The following MRPL10 variants were observed in gnomAD, a reference collection of about 807,000 sequenced individuals.
MRPL10 encodes the protein large ribosomal subunit protein uL10m.
MRPL10 carries 14 observed loss-of-function variants against 19.8 expected under a neutral mutation model. The observed-to-expected ratio is 0.71, with a 90% CI of 0.47 to 1.11. MRPL10 has a LOEUF of 1.11. Ranked by LOEUF, MRPL10 falls within the 50% of genes least tolerant of loss-of-function variation. MRPL10 has a pLI of 0.00. For synonymous variants in MRPL10, 129 were observed against 139.2 expected, an observed-to-expected ratio of 0.93 and a Z score of 0.52; for missense variants, 318 against 339.6, an observed-to-expected ratio of 0.94 and a Z score of 0.50.
In MRPL10 at chr17:47,826,735, G is replaced by C; in HGVS notation, c.434C>G (p.Pro145Arg). 6.2e-7 allele frequency: 1 copy of C among 1,614,218 alleles called. No homozygotes were observed. Among genetic ancestry groups the C allele is most frequent in the Non-Finnish European group, 8.5e-7 (1 of 1,180,048 alleles). ...LEDSKYQNLL[P>R]LFVGHNMLLV... ...CAGCATGTTGTGCCCCACAAAAAGG[G>C]GCAGCAGATTTTGGTACTTGGAATC... Residue 145 changes from proline (P) to arginine (R), a missense_variant, in exon 4 of 5, where the codon CCC becomes CGC. Physicochemically the swap from Pro to Arg is moderately radical, Grantham distance 103. Transcript: ENST00000351111.
intron 4 of MRPL10, 88 bp from the exon 5 acceptor site, chr17:47,824,546 T>C: frequency 2.1e-6 from 3 of 1,455,826 alleles, no homozygotes; most frequent in Non-Finnish European, 9.1e-7. Flanking sequence ...TTGCTCTCCA[T>C]TGCCCTTCTC....
intron 2 of MRPL10, among the ~76,000 whole-genome samples, chr17:47,827,549 T>C (rs2033553538): frequency 1.3e-5 from 2 of 152,186 alleles, no homozygotes; most frequent in South Asian, 2.1e-4. Context: ...ACTGTACTCA[T>C]GTTGAATTAT....
intron 4 of MRPL10, among the ~76,000 whole-genome samples, chr17:47,825,562 C>T (rs2033518950): frequency 6.6e-6 from 1 of 150,992 alleles, no homozygotes; most frequent in Non-Finnish European, 1.5e-5. Context: ...GAGGTCCAGG[C>T]TGCTGTGAGC....
chr17:47,828,862 G>A (rs902899976), intron 1 of MRPL10, among the ~76,000 whole-genome samples, 192 bp from the exon 2 acceptor site: 5 of 152,160 alleles, frequency 3.3e-5, no homozygotes, highest in African/African-American at 4.8e-5. Flanking sequence ...TAAGTGACCC[G>A]AGGTCAATTA....
In MRPL10 at chr17:47,823,536, C is replaced by T. The variant is rs1379039663; in HGVS notation, c.*669G>A. On this transcript the variant is annotated 3_prime_UTR_variant, in exon 5 of 5. Coordinates refer to ENST00000351111, the MANE Select transcript of MRPL10 (RefSeq NM_145255.4). Reference sequence around the variant, plus strand: ...GTACACCTCGAGGGTGGAGAACTAACATCCAAGCACACCTGGATGGTGGAT... The same window carrying T: ...GTACACCTCGAGGGTGGAGAACTAATATCCAAGCACACCTGGATGGTGGAT... 6.6e-6 allele frequency: 1 copy of T among 152,550 alleles called. No homozygotes were observed. Among genetic ancestry groups the T allele is most frequent in the Non-Finnish European group, 1.5e-5 (1 of 68,298 alleles). The allele number at this position is 152,550 out of a possible 1,614,324, so 9.4% of individuals were successfully genotyped here.
chr17:47,824,550 C>T (rs2033499489), intron 4 of MRPL10, 92 bp from the exon 5 acceptor site: 1 of 1,446,258 alleles, frequency 6.9e-7, no homozygotes, highest in East Asian at 2.4e-5. Flanking sequence ...TCTCCATTGC[C>T]CTTCTCAAAA....
At chr17:47,827,351 C>T (rs2033551384) in intron 2 of MRPL10, 147 bp from the exon 3 acceptor site, 2 of 621,792 alleles carry the variant, frequency 3.2e-6, no homozygotes, top group South Asian at 4.3e-5. Flanking sequence ...GCCTCTGACT[C>T]TCAGAGACAT....
chr17:47,826,962 G>A (rs1351517178), intron 3 of MRPL10, 78 bp downstream of exon 3: 38 of 1,502,028 alleles, frequency 2.5e-5, no homozygotes, highest in Non-Finnish European at 3.4e-5. Flanking sequence ...ATCATCACTG[G>A]GGAGCAGATG....
At chr17:47,831,345 G>A (rs777557850) in intron 1 of MRPL10, 115 bp downstream of exon 1, 154 of 1,538,348 alleles carry the variant, frequency 1.0e-4, no homozygotes, top group Non-Finnish European at 1.2e-4. Flanking sequence ...GGGGTAAGGA[G>A]GCCAGCGATC....
Position 47,824,332 on chromosome 17 carries a change from G to T in MRPL10, c.659C>A (p.Ser220Tyr), listed in dbSNP as rs997144349. ...GLTCLTAQTH[S>Y]LLQHQPLQLT... Reference sequence around the variant, plus strand: ...CTGGAGGGGCTGGTGCTGGAGCAGGGAGTGGGTCTGGGCTGTGAGGCAGGT... The same window carrying T: ...CTGGAGGGGCTGGTGCTGGAGCAGGTAGTGGGTCTGGGCTGTGAGGCAGGT... The change falls in exon 5 of 5, where the codon TCC (serine) becomes TAC (tyrosine). Residue 220 changes from serine (S) to tyrosine (Y), a missense_variant. By Grantham distance (144) the Ser-to-Tyr change is moderately radical (BLOSUM62 -2). Transcript: ENST00000351111. 6.2e-7 allele frequency: 1 copy of T among 1,613,982 alleles called. No homozygotes were observed. The highest frequency in any genetic ancestry group is 8.5e-7 in the Non-Finnish European group (1 of 1,179,990).
rs1264229359 is a variant in MRPL10 at position 47,831,477 on chromosome 17, C to G, written c.35G>C (p.Gly12Ala). The G allele has an allele frequency of 6.5e-7, 1 of 1,548,852 alleles. No homozygotes were observed. Among genetic ancestry groups the G allele is most frequent in the African/African-American group, 1.4e-5 (1 of 72,990 alleles). Residue 12 changes from glycine (G) to alanine (A), a missense_variant, in exon 1 of 5, where the codon GGT becomes GCT. Gly to Ala is a moderately conservative substitution (Grantham distance 60). Transcript: ENST00000351111. The part of the protein sequence containing the change: ...AAAVAGMLRG[G>A]LLPQAGRLPT... Reference sequence around the variant, plus strand: ...CTCCTTACCCGCCTGGGGCAGGAGACCCCCTCGCAGCATCCCCGCCACGGC... The same window carrying G: ...CTCCTTACCCGCCTGGGGCAGGAGAGCCCCTCGCAGCATCCCCGCCACGGC...
At chr17:47,824,612 C>T (rs1393924066) in intron 4 of MRPL10, among the ~76,000 whole-genome samples, 154 bp from the exon 5 acceptor site, 3 of 152,214 alleles carry the variant, frequency 2.0e-5, no homozygotes, top group African/African-American at 7.2e-5. Flanking sequence ...CACACCCACT[C>T]TGCTTGGGAT....
Position 47,826,680 on chromosome 17 carries a change from C to T in MRPL10, c.489G>A (p.Glu163=). 1.2e-6 allele frequency: 2 copies of T among 1,614,186 alleles called. No homozygotes were observed. Among genetic ancestry groups the T allele is most frequent in the Non-Finnish European group, 1.7e-6 (2 of 1,180,044 alleles). The part of the protein sequence containing the change: ...LLVSEEPKVK[E]MVRILRTVPF... The stretch of plus-strand genomic sequence containing the variant: ...GCACAGTCCTTAAGATCCGTACCAT[C>T]TCCTTGACCTTGGGCTCTTCACTGA... Residue 163 remains glutamate (E), a synonymous_variant, in exon 4 of 5, where the codon GAG becomes GAA. Transcript: ENST00000351111.
intron 1 of MRPL10, chr17:47,831,213 T>G: frequency 2.0e-6 from 2 of 991,938 alleles, no homozygotes; most frequent in Non-Finnish European, 2.9e-6. Context: ...GACTGACACA[T>G]TAAGATGGAG....
intron 4 of MRPL10, among the ~76,000 whole-genome samples, chr17:47,826,196 C>A (rs1007097276): frequency 2.7e-5 from 4 of 149,026 alleles, no homozygotes; most frequent in Non-Finnish European, 5.9e-5. Flanking sequence ...CCCCTCCCTA[C>A]AGAGACCTGT....
intron 4 of MRPL10, among the ~76,000 whole-genome samples, chr17:47,826,197 A>G (rs1019706118): frequency 2.0e-5 from 3 of 150,986 alleles, no homozygotes; most frequent in African/African-American, 7.3e-5. Flanking sequence ...CCCTCCCTAC[A>G]GAGACCTGTG....
At chr17:47,825,905 T>C (rs1333736899) in intron 4 of MRPL10, among the ~76,000 whole-genome samples, 2 of 151,666 alleles carry the variant, frequency 1.3e-5, no homozygotes, top group Non-Finnish European at 2.9e-5. Context: ...TTTGGGAGGC[T>C]GAGGTGGCGG....
Position 47,823,466 on chromosome 17 carries a change from A to G in MRPL10, c.*739T>C, listed in dbSNP as rs1447197453. 1 of 152,232 alleles carries G rather than the reference A, an allele frequency of 6.6e-6. No individual in the cohort carries two copies. The highest frequency in any genetic ancestry group is 1.5e-5 in the Non-Finnish European group (1 of 68,060). The allele number at this position is 152,232 out of a possible 1,614,324, so 9.4% of individuals were successfully genotyped here. On this transcript the variant is annotated 3_prime_UTR_variant, in exon 5 of 5. Coordinates refer to ENST00000351111, the MANE Select transcript of MRPL10 (RefSeq NM_145255.4). ...AACCACAAAATAAAGGAAGTAGAAT[A>G]TATTTCATTTTATTATAAAGCAGTG...
At chr17:47,830,198 C>CGTCT (rs2143598822) in intron 1 of MRPL10, among the ~76,000 whole-genome samples, 1 of 152,346 alleles carries the variant, frequency 6.6e-6, no homozygotes, top group South Asian at 2.1e-4. Flanking sequence ...AGCTCTCAGA[C>CGTCT]AAGTTTCTCT....
Sources: gnomAD v4.1 joint callset for allele counts (sites outside exome capture counted in the v4.1 genomes callset) on GRCh38, gnomAD v4.1.1 for gene constraint, MANE v1.5 for transcripts, NCBI Gene and HGNC (gene_info 2026-07-23, HGNC 2026-07-21) for gene names.